Variants in DISC1 observed in about 807,000 individuals in gnomAD.
DISC1 encodes DISC1 scaffold protein, also known as disrupted in schizophrenia 1 protein.
DISC1 carries 57 observed loss-of-function variants against 84.5 expected under a neutral mutation model. That is an observed-to-expected ratio of 0.67 (90% CI 0.55 to 0.84). The LOEUF (loss-of-function observed/expected upper bound fraction) is 0.84. DISC1 is among the 40% of genes least tolerant of loss of function. The probability of loss-of-function intolerance (pLI) is 0.00; values close to 1 mark genes in which losing one functional copy is unlikely to be tolerated. For synonymous variants in DISC1, 411 were observed against 415.2 expected, an observed-to-expected ratio of 0.99 and a Z score of 0.12; for missense variants, 1,000 against 1,057.8, an observed-to-expected ratio of 0.95 and a Z score of 0.76.
intron 8 of DISC1, chr1:231,813,245 T>TG (rs1445701886): frequency 2.6e-5 from 4 of 152,246 alleles, no homozygotes; most frequent in Admixed American, 2.0e-4. Flanking sequence ...CATGGCACGC[T>TG]GTGGCATATT....
rs371527611 is a variant in DISC1, at chr1:231,736,547, C to T, written c.1118-13379C>T. Among the ~76,000 whole-genome samples, 20 of 152,330 alleles carry T rather than the reference C, an allele frequency of 1.3e-4. No individual in the cohort carries two copies. In the East Asian group the frequency reaches 3.7e-3, roughly 28 times the overall value. ...TTATTATGCTTGAAGTCTTCAGTGC[C>T]CCAATCATGGCTGATTTTCATGAAA... is the stretch of plus-strand genomic sequence containing the variant. On this transcript the variant is annotated intron_variant, in intron 3 of 12. Transcript: ENST00000439617.
rs1430432564 is a variant in DISC1 at position 231,898,130 on chromosome 1, G to A, written c.1982-60698G>A. Among the ~76,000 whole-genome samples the A allele has an allele frequency of 2.0e-5, 3 of 152,190 alleles. No homozygotes were observed. The East Asian group carries it at 5.8e-4, about 29-fold the overall frequency. ...ATGTACACAGGAGTGTGAGCAGAGA[G>A]TTAAATCTATGTATATTCACTTTAG... On this transcript the variant is annotated intron_variant, in intron 9 of 12. Coordinates refer to ENST00000439617, the MANE Select transcript of DISC1 (RefSeq NM_018662.3).
At chr1:231,782,663 C>T (rs1348291437) in intron 6 of DISC1, among the ~76,000 whole-genome samples, 2 of 152,068 alleles carry the variant, frequency 1.3e-5, no homozygotes, top group African/African-American at 2.4e-5. Context: ...AATGGCTGGG[C>T]ACAGTGGCTC....
chr1:231,744,120 A>G (rs2073680691), intron 3 of DISC1, among the ~76,000 whole-genome samples: 1 of 152,252 alleles, frequency 6.6e-6, no homozygotes, highest in Non-Finnish European at 1.5e-5. Context: ...GAGCCATAAG[A>G]ACATAAAGGA....
chr1:231,907,008 CTCTT>C (rs919701642), intron 9 of DISC1, among the ~76,000 whole-genome samples: 100 of 150,814 alleles, frequency 6.6e-4, no homozygotes, highest in African/African-American at 2.2e-3. Context: ...CTTTCTCTCT[CTCTT>C]TCTTTTTCTT....
At chr1:231,895,241 A>G (rs2087589553) in intron 9 of DISC1, among the ~76,000 whole-genome samples, 1 of 151,662 alleles carries the variant, frequency 6.6e-6, no homozygotes, top group South Asian at 2.1e-4. Context: ...TTAACTTGTC[A>G]TAGTTTCCTT....
At chr1:231,992,786 T>A (rs962671898) in intron 10 of DISC1, among the ~76,000 whole-genome samples, 3 of 152,202 alleles carry the variant, frequency 2.0e-5, no homozygotes, top group Non-Finnish European at 4.4e-5. Flanking sequence ...TAAACTTAAT[T>A]TTTTTGTGCT....
chr1:231,723,616 A>G, intron 3 of DISC1: 1 of 985,424 alleles, frequency 1.0e-6, no homozygotes, highest in Middle Eastern at 5.2e-4. Flanking sequence ...ATTCTGTCTT[A>G]TAACAGTCTG....
chr1:232,028,234 G>A (rs1482754381), intron 12 of DISC1, among the ~76,000 whole-genome samples: 1 of 152,130 alleles, frequency 6.6e-6, no homozygotes, highest in African/African-American at 2.4e-5. Flanking sequence ...GGAGGAGTCC[G>A]CTGCAGAGAG....
chr1:231,736,465 AG>A (rs1262054596), intron 3 of DISC1, among the ~76,000 whole-genome samples: 4 of 152,230 alleles, frequency 2.6e-5, no homozygotes, highest in Admixed American at 1.3e-4. Flanking sequence ...TACTCTGCAA[AG>A]TGTTGTGAAA....
chr1:231,990,539 CT>C (rs1665069508), intron 10 of DISC1, among the ~76,000 whole-genome samples: 1 of 152,178 alleles, frequency 6.6e-6, no homozygotes, highest in African/African-American at 2.4e-5. Context: ...TTCCTCACTG[CT>C]TCTGTGTACT....
chr1:231,808,017 A>G (rs568688881), intron 8 of DISC1, among the ~76,000 whole-genome samples: 4 of 152,292 alleles, frequency 2.6e-5, no homozygotes, highest in Admixed American at 2.6e-4. Context: ...TCCCAATGGA[A>G]GGACTTCCAA....
chr1:231,783,516 G>A (rs1246976391), intron 6 of DISC1, among the ~76,000 whole-genome samples: 2 of 152,174 alleles, frequency 1.3e-5, no homozygotes, highest in Non-Finnish European at 2.9e-5. Context: ...GTTTCAGTTT[G>A]GAATAAGATT....
At chr1:231,695,577 A>T (rs2065559008) in intron 2 of DISC1, among the ~76,000 whole-genome samples, 1 of 151,348 alleles carries the variant, frequency 6.6e-6, no homozygotes, top group South Asian at 2.1e-4. Context: ...GTGTGTGTGC[A>T]TATGTGTTTG....
rs562208445 is a variant in DISC1, at chr1:231,725,119, C to T, written c.1117+23095C>T. Among the ~76,000 whole-genome samples the T allele has an allele frequency of 8.3e-4, 126 of 152,214 alleles. 1 individual carries two copies. The highest frequency in any genetic ancestry group is 2.7e-3 in the African/African-American group (113 of 41,518). ...GAAGCAGGGAGGGGGAGTCAGCCCT[C>T]GCTGTGCAGCAACCACAGTGACGTC... On this transcript the variant is annotated intron_variant, in intron 3 of 12. Coordinates refer to ENST00000439617, the MANE Select transcript of DISC1 (RefSeq NM_018662.3).
Position 231,687,074 on chromosome 1 carries a change from T to C in DISC1, c.68-6752T>C, listed in dbSNP as rs532003962. 3.3e-5 allele frequency among the ~76,000 whole-genome samples: 5 copies of C among 152,324 alleles called. No individual in the cohort carries two copies. In the South Asian group the frequency reaches 1.0e-3, roughly 32 times the overall value. On this transcript the variant is annotated intron_variant, in intron 1 of 12. Transcript: ENST00000439617. The stretch of plus-strand genomic sequence containing the variant: ...ACTATCAGGCTTTTGGTCAAAGCCA[T>C]TCAACAAGTCTCTAGGGAGTTCCAA...
intron 1 of DISC1, among the ~76,000 whole-genome samples, chr1:231,692,289 A>G (rs1436839309): frequency 2.0e-5 from 3 of 152,050 alleles, no homozygotes; most frequent in Non-Finnish European, 2.9e-5. Context: ...CTTCCTTGCA[A>G]GCTTCCGGAA....
chr1:231,750,120 C>T, intron 4 of DISC1, 44 bp downstream of exon 4: 1 of 1,593,656 alleles, frequency 6.3e-7, no homozygotes, highest in African/African-American at 1.3e-5. Flanking sequence ...ATGTTTCTTC[C>T]TACCTCTCAG....
intron 12 of DISC1, 52 bp downstream of exon 12, chr1:232,026,604 GA>G (rs1669485182): frequency 7.0e-7 from 1 of 1,420,144 alleles, no homozygotes; most frequent in Admixed American, 2.0e-5. Flanking sequence ...TTATAAAAGA[GA>G]GTCTTTAAAG....
Sources: allele counts gnomAD v4.1 joint callset (sites outside exome capture counted in the v4.1 genomes callset), GRCh38; gene constraint gnomAD v4.1.1; transcripts MANE v1.5; gene names NCBI Gene and HGNC (gene_info 2026-07-23, HGNC 2026-07-21).